The following STK32B variants were observed in gnomAD, a reference collection of about 807,000 sequenced individuals.
The protein encoded by STK32B is serine/threonine-protein kinase 32B.
Under a neutral mutation model 52.6 loss-of-function variants are expected in STK32B, and 43 were observed. That is an observed-to-expected ratio of 0.82 (90% CI 0.64 to 1.05). STK32B has a LOEUF of 1.05. Among genes scored for constraint, STK32B ranks in the 50% least tolerant of loss-of-function variants. STK32B has a pLI of 0.00. For missense variants in STK32B, 621 were observed against 534.6 expected, an observed-to-expected ratio of 1.16 and a Z score of -1.59; for synonymous variants, 238 against 204.3, an observed-to-expected ratio of 1.17 and a Z score of -1.41.
chr4:5,046,731 GA>G (rs894656419), upstream of STK32B, among the ~76,000 whole-genome samples: 4 of 151,954 alleles, frequency 2.6e-5, no homozygotes, highest in South Asian at 2.1e-4. Flanking sequence ...TCAAACACAT[GA>G]AAAAAAACTC....
intron 11 of STK32B, among the ~76,000 whole-genome samples, chr4:5,482,210 C>A (rs1329965664): frequency 6.6e-6 from 1 of 152,140 alleles, no homozygotes; most frequent in Non-Finnish European, 1.5e-5. Flanking sequence ...ATTCTTCCTA[C>A]CCATGAATAT....
intron 2 of STK32B, among the ~76,000 whole-genome samples, chr4:5,148,955 T>A (rs908584881): frequency 1.3e-5 from 2 of 151,842 alleles, no homozygotes; most frequent in Non-Finnish European, 3.0e-5. Flanking sequence ...TTGTCCCTAC[T>A]ATTATAAAAT....
intron 3 of STK32B, among the ~76,000 whole-genome samples, chr4:5,328,858 C>G (rs915811201): frequency 6.6e-6 from 1 of 152,148 alleles, no homozygotes; most frequent in African/African-American, 2.4e-5. Flanking sequence ...ATGCTCCTCT[C>G]TTTGTTGAGG....
intron 3 of STK32B, among the ~76,000 whole-genome samples, chr4:5,273,104 C>G (rs1413355317): frequency 7.2e-6 from 1 of 139,800 alleles, no homozygotes; most frequent in Non-Finnish European, 1.5e-5. Context: ...TGACAAAGGG[C>G]TAATATCCAG....
rs754596460 is a variant in STK32B at position 5,051,890 on chromosome 4, C to G, written c.27C>G (p.Pro9=). Residue 9 remains proline (P), a synonymous_variant, in exon 1 of 12, where the codon CCC becomes CCG. Transcript: ENST00000282908. MGGNHSHK[P]PVFDENEEVN... ...TGGGCGGGAACCACTCCCACAAGCC[C>G]CCCGTGTTTGACGAGAATGAGGAAG... The G allele has an allele frequency of 2.5e-6, 4 of 1,600,610 alleles. No individual in the cohort carries two copies. The highest frequency in any genetic ancestry group is 3.4e-6 in the Non-Finnish European group (4 of 1,174,050).
intron 1 of STK32B, among the ~76,000 whole-genome samples, chr4:5,075,250 C>G (rs1210545696): frequency 6.6e-6 from 1 of 152,186 alleles, no homozygotes; most frequent in Non-Finnish European, 1.5e-5. Context: ...TTTGTTGCCA[C>G]TAGTACAGCA....
At chr4:5,202,698 A>G (rs1186564471) in intron 3 of STK32B, among the ~76,000 whole-genome samples, 6 of 152,214 alleles carry the variant, frequency 3.9e-5, no homozygotes, top group South Asian at 2.1e-4. Flanking sequence ...CACAGGCCCA[A>G]TGCCACATAT....
intron 4 of STK32B, among the ~76,000 whole-genome samples, chr4:5,352,458 G>C (rs1199906165): frequency 6.6e-6 from 1 of 151,574 alleles, no homozygotes; most frequent in Non-Finnish European, 1.5e-5. Flanking sequence ...CAAAATAAAG[G>C]CCATATGTGA....
chr4:5,320,700 A>G (rs1731428601), intron 3 of STK32B, among the ~76,000 whole-genome samples: 1 of 152,242 alleles, frequency 6.6e-6, no homozygotes, highest in South Asian at 2.1e-4. Flanking sequence ...ATGTTACTGC[A>G]AAAGCCCAAA....
At chr4:5,316,203 A>AT in intron 3 of STK32B, among the ~76,000 whole-genome samples, 3 of 86,628 alleles carry the variant, frequency 3.5e-5, no homozygotes, top group African/African-American at 1.7e-4. Context: ...TTAGATATAT[A>AT]ATATATATTA....
intron 1 of STK32B, among the ~76,000 whole-genome samples, chr4:5,099,218 G>A (rs1713566739): frequency 6.6e-6 from 1 of 152,074 alleles, no homozygotes; most frequent in Admixed American, 6.6e-5. Context: ...CAATTCCATG[G>A]GGTCCACTCA....
chr4:5,125,352 C>T (rs571910494), intron 1 of STK32B, among the ~76,000 whole-genome samples: 98 of 152,350 alleles, frequency 6.4e-4, no homozygotes, highest in Non-Finnish European at 1.1e-3. Context: ...AAAACTAATA[C>T]AAAGCTTTCC....
rs188212896 is a variant in STK32B at position 5,455,219 on chromosome 4, C to T, written c.667-1588C>T. 3.0e-3 allele frequency among the ~76,000 whole-genome samples: 460 copies of T among 152,322 alleles called. 3 individuals are homozygous for T. The highest frequency in any genetic ancestry group is 3.4e-3 in the Middle Eastern group (1 of 294). On this transcript the variant is annotated intron_variant, in intron 7 of 11. Coordinates refer to ENST00000282908, the MANE Select transcript of STK32B (RefSeq NM_018401.3). ...AGCCCTACCAAGGATCGGGACCCCT[C>T]GCCCCTTTGGGCGGGCGCCTTCTGT...
chr4:5,395,242 A>G lies in STK32B; in HGVS notation c.435-2965A>G, dbSNP rs1342705823. Among the ~76,000 whole-genome samples, 1 of 152,174 alleles carries G rather than the reference A, an allele frequency of 6.6e-6. No homozygotes were observed. Among genetic ancestry groups the G allele is most frequent in the Non-Finnish European group, 1.5e-5 (1 of 68,034 alleles). On this transcript the variant is annotated intron_variant, in intron 4 of 11. Coordinates refer to ENST00000282908, the MANE Select transcript of STK32B (RefSeq NM_018401.3). The surrounding 1 kb of genome is among the most constrained non-coding windows in gnomAD (Gnocchi z 4.4). ...AATGTAACATAATCCCGGGACTGCC[A>G]TCCCACCAAGTTTGCCCTGTAACAT...
At chr4:5,282,794 G>T (rs943594542) in intron 3 of STK32B, among the ~76,000 whole-genome samples, 12 of 152,042 alleles carry the variant, frequency 7.9e-5, no homozygotes, top group Non-Finnish European at 1.3e-4. Context: ...TCCTAGGCAG[G>T]ACAGAGCAGG....
At position 5,138,476 on chromosome 4, in the gene STK32B, A is replaced by C. The variant is rs1176205291; in HGVS notation, c.53-1429A>C. ...ATTCAAAAATATTTACCAAACACTTATTATGTACCAGGAGTTGTGTTTGGC... is the reference window on the plus strand; with the variant it reads ...ATTCAAAAATATTTACCAAACACTTCTTATGTACCAGGAGTTGTGTTTGGC... On this transcript the variant is annotated intron_variant, in intron 1 of 11. Coordinates refer to ENST00000282908, the MANE Select transcript of STK32B (RefSeq NM_018401.3). 2.0e-5 allele frequency among the ~76,000 whole-genome samples: 3 copies of C among 152,134 alleles called. No homozygotes were observed. In the East Asian group the frequency reaches 5.8e-4, roughly 29 times the overall value.
chr4:5,173,866 T>C (rs1432031124), intron 3 of STK32B, among the ~76,000 whole-genome samples: 3 of 152,180 alleles, frequency 2.0e-5, no homozygotes, highest in Admixed American at 1.3e-4. Context: ...CCTTGTTAAC[T>C]TTTTGTCTCA....
At chr4:5,372,859 GAGCCCA>G in intron 4 of STK32B, among the ~76,000 whole-genome samples, 1 of 152,114 alleles carries the variant, frequency 6.6e-6, no homozygotes. Context: ...TTTCTGCCAT[GAGCCCA>G]ATAAAGTTTA....
At chr4:5,199,146 G>A (rs753893461) in intron 3 of STK32B, among the ~76,000 whole-genome samples, 5 of 152,138 alleles carry the variant, frequency 3.3e-5, no homozygotes, top group African/African-American at 1.2e-4. Flanking sequence ...ATTGGTGACC[G>A]AGGCTGCCCT....
Sources: gnomAD v4.1 joint callset for allele counts (sites outside exome capture counted in the v4.1 genomes callset) on GRCh38, gnomAD v4.1.1 for gene constraint, Gnocchi (gnomAD v3.1) non-coding constraint, MANE v1.5 for transcripts, NCBI Gene and HGNC (gene_info 2026-07-23, HGNC 2026-07-21) for gene names.